PSMB1: variants seen among roughly 807,000 people sequenced by gnomAD.
PSMB1 encodes proteasome 20S subunit beta 1, also known as proteasome subunit beta type-1.
In PSMB1, 7 loss-of-function variants were observed where a neutral mutation model predicts 25.4. The ratio of observed to expected loss-of-function variants is 0.28; its 90% confidence interval spans 0.16 to 0.52. PSMB1 has a LOEUF of 0.52. PSMB1 is among the 20% of genes least tolerant of loss of function. The pLI, the probability that PSMB1 is intolerant of heterozygous loss-of-function variation, is 0.97. For synonymous variants in PSMB1, 119 were observed against 115.0 expected (o/e 1.03, Z -0.22); for missense variants, 284 against 302.2 (o/e 0.94, Z 0.45).
At chr6:170,544,204 T>TA (rs1224178482) in intron 3 of PSMB1, among the ~76,000 whole-genome samples, 2 of 137,050 alleles carry the variant, frequency 1.5e-5, no homozygotes, top group Non-Finnish European at 1.5e-5. Flanking sequence ...TGTAAATATT[T>TA]ACTATCTGGT....
chr6:170,545,658 A>C (rs539560697), intron 3 of PSMB1, among the ~76,000 whole-genome samples: 25 of 152,276 alleles, frequency 1.6e-4, no homozygotes, highest in Non-Finnish European at 2.9e-4. Context: ...CAGCTTATTC[A>C]TTCTTTCGTA....
chr6:170,538,837 C>A (rs1219467292), intron 4 of PSMB1, among the ~76,000 whole-genome samples: 1 of 152,096 alleles, frequency 6.6e-6, no homozygotes, highest in African/African-American at 2.4e-5. Flanking sequence ...AATCCACTAA[C>A]CTCAATATAC....
chr6:170,543,080 A>G (rs1778775166), intron 4 of PSMB1, among the ~76,000 whole-genome samples: 1 of 152,184 alleles, frequency 6.6e-6, no homozygotes, highest in Non-Finnish European at 1.5e-5. Flanking sequence ...GCAGCTCTGG[A>G]ACAAAAATGG....
chr6:170,539,637 CGGGTACTCA>C (rs1286565454), intron 4 of PSMB1, among the ~76,000 whole-genome samples: 2 of 152,066 alleles, frequency 1.3e-5, no homozygotes. Context: ...TATATAAAAT[CGGGTACTCA>C]GGGTACTGGC....
At chr6:170,551,759 C>T (rs1399289518) in intron 1 of PSMB1, among the ~76,000 whole-genome samples, 1 of 152,192 alleles carries the variant, frequency 6.6e-6, no homozygotes, top group African/African-American at 2.4e-5. Flanking sequence ...CAACTTCACA[C>T]CAGCTCTCTG....
At chr6:170,545,844 C>T (rs1366080784) in intron 3 of PSMB1, among the ~76,000 whole-genome samples, 2 of 152,176 alleles carry the variant, frequency 1.3e-5, no homozygotes, top group Non-Finnish European at 2.9e-5. Flanking sequence ...AAGAACTCCT[C>T]CCAGGCTCCT....
intron 1 of PSMB1, among the ~76,000 whole-genome samples, 165 bp downstream of exon 1, chr6:170,552,965 C>T (rs1200150405): frequency 6.6e-6 from 1 of 152,244 alleles, no homozygotes; most frequent in East Asian, 1.9e-4. Flanking sequence ...AAACACAGGG[C>T]ATGAGAGGAC....
intron 3 of PSMB1, among the ~76,000 whole-genome samples, chr6:170,545,891 C>CT (rs1445781902): frequency 1.3e-5 from 2 of 152,198 alleles, no homozygotes; most frequent in Non-Finnish European, 2.9e-5. Context: ...TGATACAAGA[C>CT]TTTAACAAAT....
chr6:170,550,881 A>C (rs945018387), intron 1 of PSMB1, among the ~76,000 whole-genome samples: 3 of 120,846 alleles, frequency 2.5e-5, no homozygotes, highest in Non-Finnish European at 4.9e-5. Flanking sequence ...TCACACCTGT[A>C]ATCCCAACAC....
intron 2 of PSMB1, among the ~76,000 whole-genome samples, chr6:170,547,366 T>G (rs527926817): frequency 6.6e-6 from 1 of 152,378 alleles, no homozygotes; most frequent in South Asian, 2.1e-4. Context: ...AAATTTGGTA[T>G]AGACATACAA....
intron 1 of PSMB1, among the ~76,000 whole-genome samples, chr6:170,551,995 C>T (rs1375221278): frequency 2.0e-5 from 3 of 152,200 alleles, no homozygotes; most frequent in Non-Finnish European, 4.4e-5. Context: ...TAAAATCAGA[C>T]TTTCGTTATC....
rs5881872 is a variant in PSMB1, at chr6:170,540,588, C to CAAAAAAAAAA, written c.433+3003_433+3012dup. Among the ~76,000 whole-genome samples the CAAAAAAAAAA allele has an allele frequency of 2.0e-4, 12 of 61,198 alleles. 1 individual carries two copies. Among genetic ancestry groups the CAAAAAAAAAA allele is most frequent in the African/African-American group, 4.1e-4 (5 of 12,074 alleles). 40.1% of individuals were successfully genotyped at this position (61,198 alleles called of 152,430 possible). ...AAGACTCTTCAATGTGAATGGACAG[C>CAAAAAAAAAA]AAAAAAAAAAAAAAAAAAAAAAAAA... On this transcript the variant is annotated intron_variant, in intron 4 of 5. Coordinates refer to ENST00000262193, the MANE Select transcript of PSMB1 (RefSeq NM_002793.4).
rs374764687 is a variant in PSMB1 at position 170,553,218 on chromosome 6, A to G, written c.25T>C (p.Ser9Pro). MLSSTAMY[S>P]APGRDLGMEP... ...ATCCCCAAGTCTCTGCCAGGAGCCG[A>G]ATACATGGCTGTAGAGGACAACATC... is the stretch of plus-strand genomic sequence containing the variant. Residue 9 changes from serine (S) to proline (P), a missense_variant, in exon 1 of 6, where the codon TCG (serine) becomes CCG (proline). By Grantham distance (74) the Ser-to-Pro change is moderately conservative. Coordinates refer to ENST00000262193, the MANE Select transcript of PSMB1 (RefSeq NM_002793.4). 2.5e-6 allele frequency: 4 copies of G among 1,613,266 alleles called. No homozygotes were observed. The African/African-American group carries it at 5.3e-5, about 22-fold the overall frequency.
rs766648241 is a variant in PSMB1 at position 170,543,762 on chromosome 6, A to G, written c.304-32T>C. On this transcript the variant is annotated intron_variant, in intron 3 of 5. Coordinates refer to ENST00000262193, the MANE Select transcript of PSMB1 (RefSeq NM_002793.4). The stretch of plus-strand genomic sequence containing the variant: ...TTATTGATAAAAGTCACAGGCATGT[A>G]GAGGCAGAGGCCATTATAGACTAGA... 23 of 1,588,518 alleles carry G rather than the reference A, an allele frequency of 1.4e-5. 1 individual carries two copies. Among genetic ancestry groups the G allele is most frequent in the Non-Finnish European group, 6.0e-6 (7 of 1,165,416 alleles).
intron 4 of PSMB1, 103 bp downstream of exon 4, chr6:170,543,498 T>C: frequency 8.6e-7 from 1 of 1,157,096 alleles, no homozygotes; most frequent in Non-Finnish European, 1.2e-6. Flanking sequence ...ATGAGAATTG[T>C]GTCAGATGGT....
In PSMB1 at chr6:170,553,291, G is replaced by A. The variant is rs1368881159; in HGVS notation, c.-49C>T. 1.4e-6 allele frequency: 2 copies of A among 1,423,848 alleles called. No homozygotes were observed. Among genetic ancestry groups the A allele is most frequent in the African/African-American group, 2.8e-5 (2 of 71,424 alleles). 88.2% of individuals were successfully genotyped at this position (1,423,848 alleles called of 1,614,324 possible). ...GACACTTGCTGTCTCACGGCGAGAT[G>A]GCTGCCTTGACCGGACGTTACGCCA... On this transcript the variant is annotated 5_prime_UTR_variant, in exon 1 of 6. Transcript: ENST00000262193.
chr6:170,539,620 G>A (rs1778733268), intron 4 of PSMB1, among the ~76,000 whole-genome samples: 1 of 152,116 alleles, frequency 6.6e-6, no homozygotes, highest in Admixed American at 6.5e-5. Context: ...TCTAATACTG[G>A]GAAGGTTATA....
rs1043013291 is a variant in PSMB1, at chr6:170,552,168, T to C, written c.113+962A>G. ...GCCTCAAGCGATGATCCTCCTGCCT[T>C]GGCTTCCCAAAGTCCTGGGATTACA... On this transcript the variant is annotated intron_variant, in intron 1 of 5. Transcript: ENST00000262193. 2.6e-5 allele frequency among the ~76,000 whole-genome samples: 4 copies of C among 152,366 alleles called. No homozygotes were observed. The East Asian group carries it at 7.7e-4, about 29-fold the overall frequency.
At chr6:170,543,238 G>T (rs1156421570) in intron 4 of PSMB1, among the ~76,000 whole-genome samples, 1 of 152,220 alleles carries the variant, frequency 6.6e-6, no homozygotes, top group East Asian at 1.9e-4. Flanking sequence ...AACCGTTAAA[G>T]AACTTTTTTG....
Sources: gnomAD v4.1 joint callset for allele counts (sites outside exome capture counted in the v4.1 genomes callset) on GRCh38, gnomAD v4.1.1 for gene constraint, MANE v1.5 for transcripts, NCBI Gene and HGNC (gene_info 2026-07-23, HGNC 2026-07-21) for gene names.